The following CCDC195 variants were observed in gnomAD, a reference collection of about 807,000 sequenced individuals.
CCDC195 encodes coiled-coil domain containing 195, also known as coiled-coil domain-containing protein 195.
intron 2 of CCDC195, among the ~76,000 whole-genome samples, chr2:224,709,515 C>CT (rs1689283234): frequency 1.3e-5 from 2 of 152,196 alleles, no homozygotes; most frequent in African/African-American, 4.8e-5. Context: ...CCCTAACGCC[C>CT]ACTAAGGCAC....
At chr2:224,713,526 T>C (rs1359711510) in intron 1 of CCDC195, among the ~76,000 whole-genome samples, 1 of 152,162 alleles carries the variant, frequency 6.6e-6, no homozygotes, top group Non-Finnish European at 1.5e-5. Flanking sequence ...AATCCACTTA[T>C]TTTTACATGA....
rs577821786 is a variant in CCDC195, at chr2:224,714,643, T to C, written c.235+1488A>G. On this transcript the variant is annotated intron_variant, in intron 1 of 2. Coordinates refer to ENST00000638102, the Ensembl canonical transcript of CCDC195. Reference sequence around the variant, plus strand: ...TCTCAAATGTCAGTAATACAGAGGTTGAGAAACCCTCAACTAAGCAAATAT... The same window carrying C: ...TCTCAAATGTCAGTAATACAGAGGTCGAGAAACCCTCAACTAAGCAAATAT... Among the ~76,000 whole-genome samples the C allele has an allele frequency of 2.0e-5, 3 of 152,246 alleles. No homozygotes were observed. In the East Asian group the frequency reaches 5.8e-4, roughly 29 times the overall value.
intron 2 of CCDC195, among the ~76,000 whole-genome samples, chr2:224,707,731 C>G (rs1689232357): frequency 6.6e-6 from 1 of 152,186 alleles, no homozygotes; most frequent in South Asian, 2.1e-4. Flanking sequence ...TCCTGCCCAA[C>G]ATGCAGCACA....
At chr2:224,711,593 C>T (rs1689320643) in intron 1 of CCDC195, among the ~76,000 whole-genome samples, 1 of 152,036 alleles carries the variant, frequency 6.6e-6, no homozygotes, top group South Asian at 2.1e-4. Flanking sequence ...TTTTCTGGAG[C>T]ACTTTATGAG....
At chr2:224,716,250 G>A (rs1028119423) in exon 1 of CCDC195, 17 of 398,526 alleles carry the variant, frequency 4.3e-5, no homozygotes, top group African/African-American at 3.5e-4. Flanking sequence ...TGAGCCTGAG[G>A]CTCTCTGACT....
At chr2:224,711,210 C>T (rs1689314835) in intron 1 of CCDC195, among the ~76,000 whole-genome samples, 1 of 152,090 alleles carries the variant, frequency 6.6e-6, no homozygotes, top group South Asian at 2.1e-4. Flanking sequence ...AGACACATGG[C>T]AAAGAGCAAA....
chr2:224,713,488 G>A (rs1689346250), intron 1 of CCDC195, among the ~76,000 whole-genome samples: 1 of 152,080 alleles, frequency 6.6e-6, no homozygotes, highest in South Asian at 2.1e-4. Flanking sequence ...TTTTGCAGTT[G>A]GAATAGGACT....
intron 2 of CCDC195, among the ~76,000 whole-genome samples, chr2:224,709,637 G>A (rs1382620746): frequency 6.6e-6 from 1 of 152,162 alleles, no homozygotes; most frequent in South Asian, 2.1e-4. Flanking sequence ...TTACTTGTGT[G>A]CCTTTGTCAC....
At chr2:224,708,253 G>A (rs1025279326) in intron 2 of CCDC195, among the ~76,000 whole-genome samples, 4 of 152,096 alleles carry the variant, frequency 2.6e-5, no homozygotes, top group African/African-American at 9.7e-5. Flanking sequence ...AATATTTACA[G>A]AAATATTTTG....
chr2:224,708,555 C>T (rs768229305), intron 2 of CCDC195, among the ~76,000 whole-genome samples: 2 of 152,170 alleles, frequency 1.3e-5, no homozygotes, highest in Non-Finnish European at 2.9e-5. Flanking sequence ...TATGATAGAA[C>T]CTTCTGCAAG....
At chr2:224,715,542 G>C (rs1689368889) in intron 1 of CCDC195, among the ~76,000 whole-genome samples, 1 of 152,216 alleles carries the variant, frequency 6.6e-6, no homozygotes, top group Non-Finnish European at 1.5e-5. Context: ...TCTGCCATTT[G>C]TTGTGCCTTG....
intron 1 of CCDC195, among the ~76,000 whole-genome samples, chr2:224,714,139 C>T (rs1689354460): frequency 1.3e-5 from 2 of 152,114 alleles, no homozygotes; most frequent in Admixed American, 1.3e-4. Flanking sequence ...CATGCTTGGC[C>T]TCACCAATCC....
At chr2:224,705,272 T>G (rs1023989865) in intron 2 of CCDC195, among the ~76,000 whole-genome samples, 4 of 152,226 alleles carry the variant, frequency 2.6e-5, no homozygotes, top group Non-Finnish European at 4.4e-5. Flanking sequence ...ATCAGTAAAC[T>G]GAATAACATA....
intron 2 of CCDC195, among the ~76,000 whole-genome samples, chr2:224,709,086 C>CTTTTT (rs35179742): frequency 8.4e-5 from 8 of 95,758 alleles, no homozygotes; most frequent in South Asian, 3.9e-4. Context: ...TTTCTTTTGT[C>CTTTTT]TTTTTTTTTT....
In CCDC195 at chr2:224,715,730, T is replaced by A. The variant is rs1426513447; in HGVS notation, c.235+401A>T. Among the ~76,000 whole-genome samples, 10 of 152,224 alleles carry A rather than the reference T, an allele frequency of 6.6e-5. No individual in the cohort carries two copies. In the East Asian group the frequency reaches 1.9e-3, roughly 29 times the overall value. On this transcript the variant is annotated intron_variant, in intron 1 of 2. Coordinates refer to ENST00000638102, the Ensembl canonical transcript of CCDC195. ...GCAACCATATTTGTTGACTTTGACATCCATTCCCTTATCTGGTGTGCAGTA... is the reference window on the plus strand; with the variant it reads ...GCAACCATATTTGTTGACTTTGACAACCATTCCCTTATCTGGTGTGCAGTA...
At chr2:224,711,322 C>T (rs964606008) in intron 1 of CCDC195, among the ~76,000 whole-genome samples, 1 of 150,990 alleles carries the variant, frequency 6.6e-6, no homozygotes, top group African/African-American at 2.4e-5. Flanking sequence ...ATAGAGTCTC[C>T]CAATAAACTC....
chr2:224,709,070 TTTTCC>T (rs1294971301), intron 2 of CCDC195, among the ~76,000 whole-genome samples: 1 of 149,104 alleles, frequency 6.7e-6, no homozygotes, highest in East Asian at 2.0e-4. Context: ...CTTTTCTTTC[TTTTCC>T]TTTCTTTTGT....
intron 2 of CCDC195, among the ~76,000 whole-genome samples, chr2:224,709,084 G>GTT (rs1689272344): frequency 5.2e-5 from 6 of 114,988 alleles, no homozygotes; most frequent in Admixed American, 1.9e-4. Flanking sequence ...CCTTTCTTTT[G>GTT]TCTTTTTTTT....
chr2:224,703,940 T>C (rs1697208475), intron 2 of CCDC195, 53 bp from the exon 3 acceptor site: 2 of 398,018 alleles, frequency 5.0e-6, no homozygotes, highest in African/African-American at 2.1e-5. Context: ...AGACTTTATA[T>C]AGAACATTGA....
Sources: gnomAD v4.1 joint callset for allele counts (sites outside exome capture counted in the v4.1 genomes callset) on GRCh38, gnomAD v4.1.1 for gene constraint, MANE v1.5 for transcripts, NCBI Gene and HGNC (gene_info 2026-07-23, HGNC 2026-07-21) for gene names.